CTNNA3: variants seen among roughly 807,000 people sequenced by gnomAD.
CTNNA3 encodes catenin alpha-3.
A neutral mutation model predicts 95.7 loss-of-function variants in CTNNA3; 76 were observed. The observed-to-expected ratio is 0.79, with a 90% CI of 0.66 to 0.96. CTNNA3 has a LOEUF of 0.96. Ranked by LOEUF, CTNNA3 falls within the 40% of genes least tolerant of loss-of-function variation. The pLI, the probability that CTNNA3 is intolerant of heterozygous loss-of-function variation, is 0.00. For missense variants in CTNNA3, 1,191 were observed against 1,089.8 expected, an observed-to-expected ratio of 1.09 and a Z score of -1.31; for synonymous variants, 431 against 374.4, an observed-to-expected ratio of 1.15 and a Z score of -1.74.
At chr10:66,147,980 C>T (rs2083987495) in intron 13 of CTNNA3, among the ~76,000 whole-genome samples, 2 of 151,304 alleles carry the variant, frequency 1.3e-5, no homozygotes, top group Admixed American at 1.3e-4. Context: ...TAGATGCTAT[C>T]CCCATTTTTG....
At position 67,637,300 on chromosome 10, in the gene CTNNA3, G is replaced by T. The variant is rs147664487; in HGVS notation, c.99+10115C>A. Among the ~76,000 whole-genome samples the T allele has an allele frequency of 5.4e-3, 819 of 152,280 alleles. 6 individuals carry two copies. The highest frequency in any genetic ancestry group is 0.019 in the African/African-American group (769 of 41,544). On this transcript the variant is annotated intron_variant, in intron 2 of 17. Coordinates refer to ENST00000433211, the MANE Select transcript of CTNNA3 (RefSeq NM_013266.4). ...TCAAATGAATGAAATGAAGCAAGAA[G>T]AGAAGTTTAGAGAAAAAAGAATAAA...
chr10:67,004,244 T>C (rs1851846315), intron 7 of CTNNA3, among the ~76,000 whole-genome samples: 2 of 152,116 alleles, frequency 1.3e-5, no homozygotes, highest in African/African-American at 4.8e-5. Context: ...CAGAGAAAGA[T>C]TTTTGCTTTA....
chr10:66,647,216 G>A (rs974081448), intron 9 of CTNNA3, among the ~76,000 whole-genome samples: 2 of 152,126 alleles, frequency 1.3e-5, no homozygotes, highest in Non-Finnish European at 2.9e-5. Context: ...TACAAGCCAG[G>A]AGAGTCAAAG....
intron 7 of CTNNA3, among the ~76,000 whole-genome samples, chr10:66,960,061 T>C (rs1849032065): frequency 6.6e-6 from 1 of 152,146 alleles, no homozygotes; most frequent in African/African-American, 2.4e-5. Flanking sequence ...TTGACCCTCA[T>C]AGCTATTTGA....
At position 66,807,955 on chromosome 10, in the gene CTNNA3, T is replaced by G. The variant is rs970008914; in HGVS notation, c.1048-32431A>C. ...TCTATTAGTGTGATCTCACCACTCT[T>G]GCTTGCTTGGTTCTAGCCTCAGTAT... On this transcript the variant is annotated intron_variant, in intron 7 of 17. Coordinates refer to ENST00000433211, the MANE Select transcript of CTNNA3 (RefSeq NM_013266.4). Among the ~76,000 whole-genome samples, 9 of 152,142 alleles carry G rather than the reference T, an allele frequency of 5.9e-5. 1 individual carries two copies. The highest frequency in any genetic ancestry group is 2.6e-4 in the Admixed American group (4 of 15,256).
chr10:66,955,548 C>A (rs900595448), intron 7 of CTNNA3, among the ~76,000 whole-genome samples: 1 of 152,134 alleles, frequency 6.6e-6, no homozygotes, highest in Non-Finnish European at 1.5e-5. Flanking sequence ...TACATTAATT[C>A]CAGTTTTCCT....
intron 6 of CTNNA3, among the ~76,000 whole-genome samples, chr10:67,207,220 T>C (rs1379819677): frequency 6.6e-6 from 1 of 152,214 alleles, no homozygotes; most frequent in African/African-American, 2.4e-5. Context: ...TATAATTTTT[T>C]AGTCATTATA....
chr10:67,382,577 C>CTA (rs1832623232), intron 5 of CTNNA3, among the ~76,000 whole-genome samples: 1 of 152,090 alleles, frequency 6.6e-6, no homozygotes, highest in Non-Finnish European at 1.5e-5. Flanking sequence ...TCATCATCTG[C>CTA]TATAAGTGGA....
At chr10:66,812,986 C>G (rs1456951788) in intron 7 of CTNNA3, among the ~76,000 whole-genome samples, 1 of 151,994 alleles carries the variant, frequency 6.6e-6, no homozygotes, top group Admixed American at 6.6e-5. Context: ...TTGTCTGTTC[C>G]TTGAATTAGT....
At chr10:67,489,556 G>C (rs1848576318) in intron 5 of CTNNA3, among the ~76,000 whole-genome samples, 1 of 151,984 alleles carries the variant, frequency 6.6e-6, no homozygotes, top group African/African-American at 2.4e-5. Context: ...ACCTTCTCAG[G>C]GGCTTAGATA....
At chr10:67,501,955 C>A (rs1199097308) in intron 5 of CTNNA3, among the ~76,000 whole-genome samples, 1 of 152,142 alleles carries the variant, frequency 6.6e-6, no homozygotes, top group Non-Finnish European at 1.5e-5. Flanking sequence ...CCTTCTGAAG[C>A]CTACTTCTGT....
intron 15 of CTNNA3, among the ~76,000 whole-genome samples, chr10:66,040,465 T>C (rs2079662526): frequency 6.6e-6 from 1 of 151,604 alleles, no homozygotes; most frequent in South Asian, 2.1e-4. Context: ...AGCAAAGACA[T>C]GGAATCAACC....
At chr10:66,248,543 A>T (rs1298277857) in intron 13 of CTNNA3, among the ~76,000 whole-genome samples, 10 of 152,084 alleles carry the variant, frequency 6.6e-5, no homozygotes, top group Non-Finnish European at 1.5e-4. Context: ...ATAAGAAATA[A>T]AAAAAGATAC....
At position 67,606,885 on chromosome 10, in the gene CTNNA3, C is replaced by T. The variant is rs752481842; in HGVS notation, c.264G>A (p.Thr88=). ...QEATVLKDEL[T]ASLEEVRKES... ...CTTTGCGAACTTCCTCAAGTGAAGC[C>T]GTAAGCTCATCCTTTAAAACTGTAG... is the stretch of plus-strand genomic sequence containing the variant. The change falls in exon 3 of 18, where the codon ACG becomes ACA. Residue 88 remains threonine (T), a synonymous_variant. Transcript: ENST00000433211. The T allele has an allele frequency of 3.8e-5, 61 of 1,613,742 alleles. No homozygotes were observed. Among genetic ancestry groups the T allele is most frequent in the Admixed American group, 2.2e-4 (13 of 59,964 alleles).
chr10:66,746,238 G>C (rs1312997968), intron 9 of CTNNA3, among the ~76,000 whole-genome samples: 1 of 151,730 alleles, frequency 6.6e-6, no homozygotes, highest in East Asian at 1.9e-4. Flanking sequence ...CAAATTTCAA[G>C]GTAAAAATTA....
At chr10:67,517,736 A>G (rs1839867785) in intron 5 of CTNNA3, among the ~76,000 whole-genome samples, 1 of 152,178 alleles carries the variant, frequency 6.6e-6, no homozygotes, top group Non-Finnish European at 1.5e-5. Flanking sequence ...GAAACATATT[A>G]GAACAAAATG....
chr10:67,061,314 T>C (rs1381213447), intron 7 of CTNNA3, among the ~76,000 whole-genome samples: 1 of 152,194 alleles, frequency 6.6e-6, no homozygotes, highest in East Asian at 1.9e-4. Context: ...CAGGTGCATA[T>C]TGCTACACCA....
At chr10:67,122,065 C>T (rs909157611) in intron 7 of CTNNA3, among the ~76,000 whole-genome samples, 7 of 143,050 alleles carry the variant, frequency 4.9e-5, no homozygotes, top group African/African-American at 1.6e-4. Context: ...CAGTCAAGGA[C>T]GTGAAGAAGG....
At chr10:67,085,611 T>C (rs1462056897) in intron 7 of CTNNA3, among the ~76,000 whole-genome samples, 1 of 152,010 alleles carries the variant, frequency 6.6e-6, no homozygotes, top group Non-Finnish European at 1.5e-5. Context: ...ACTTTTAAAG[T>C]TTATGTTTGT....
Sources: gnomAD v4.1 joint callset for allele counts (sites outside exome capture counted in the v4.1 genomes callset) on GRCh38, gnomAD v4.1.1 for gene constraint, MANE v1.5 for transcripts, NCBI Gene and HGNC (gene_info 2026-07-23, HGNC 2026-07-21) for gene names.